The following GAB1 variants were observed in gnomAD, a reference collection of about 807,000 sequenced individuals.
GAB1 encodes the protein GRB2-associated-binding protein 1.
In GAB1, 19 loss-of-function variants were observed where a neutral mutation model predicts 66.5. The observed-to-expected ratio is 0.29, with a 90% CI of 0.20 to 0.42. The LOEUF (loss-of-function observed/expected upper bound fraction) is 0.42. Ranked by LOEUF, GAB1 falls within the 10% of genes least tolerant of loss-of-function variation. The pLI, the probability that GAB1 is intolerant of heterozygous loss-of-function variation, is 1.00. For missense variants in GAB1, 732 were observed against 858.5 expected, an observed-to-expected ratio of 0.85 and a Z score of 1.84; for synonymous variants, 294 against 301.4, an observed-to-expected ratio of 0.98 and a Z score of 0.25.
intron 1 of GAB1, among the ~76,000 whole-genome samples, chr4:143,391,929 G>T (rs537642873): frequency 1.3e-5 from 2 of 152,030 alleles, no homozygotes; most frequent in African/African-American, 4.8e-5. Context: ...ACCTCCTTAC[G>T]TTACTTTATT....
chr4:143,378,987 C>T (rs909765258), intron 1 of GAB1, among the ~76,000 whole-genome samples: 1 of 152,068 alleles, frequency 6.6e-6, no homozygotes, highest in East Asian at 1.9e-4. Context: ...GCCCCGAAGC[C>T]AGGAACTAGA....
chr4:143,411,036 G>T (rs754621565), intron 1 of GAB1, among the ~76,000 whole-genome samples: 7 of 152,160 alleles, frequency 4.6e-5, no homozygotes, highest in Non-Finnish European at 8.8e-5. Flanking sequence ...TAGATTTTGT[G>T]CCAAGGGGTG....
At position 143,438,422 on chromosome 4, in the gene GAB1, T is replaced by C; in HGVS notation, c.1017T>C (p.Asp339=). ...GQTSKLDTIP[D]IPPPRPPKPH... ...CATCAAAGCTAGACACTATTCCAGA[T>C]ATTCCTCCACCTCGGCCACCGAAAC... The change falls in exon 4 of 10, where the codon GAT becomes GAC. Residue 339 remains aspartate (D), a synonymous_variant. Transcript: ENST00000262994. The C allele has an allele frequency of 1.2e-6, 2 of 1,614,060 alleles. No individual in the cohort carries two copies. The highest frequency in any genetic ancestry group is 2.2e-5 in the East Asian group (1 of 44,874).
At position 143,433,733 on chromosome 4, in the gene GAB1, C is replaced by G. The variant is rs28925898; in HGVS notation, c.593+17C>G. 7.0e-6 allele frequency: 11 copies of G among 1,568,672 alleles called. No homozygotes were observed. The African/African-American group carries it at 1.3e-4, about 19-fold the overall frequency. Reference sequence around the variant, plus strand: ...ACCCACCAGGTAAATTATATATGCCCATGTGAGAGAGAGACAGAGGCGTGT... The same window carrying G: ...ACCCACCAGGTAAATTATATATGCCGATGTGAGAGAGAGACAGAGGCGTGT... On this transcript the variant is annotated intron_variant, in intron 3 of 9. Transcript: ENST00000262994.
intron 1 of GAB1, among the ~76,000 whole-genome samples, chr4:143,400,443 T>A (rs1490014114): frequency 6.6e-6 from 1 of 152,002 alleles, no homozygotes; most frequent in Non-Finnish European, 1.5e-5. Context: ...TAATTATTCC[T>A]TATAACAGCT....
At chr4:143,373,283 G>A (rs1730224840) in intron 1 of GAB1, among the ~76,000 whole-genome samples, 1 of 152,138 alleles carries the variant, frequency 6.6e-6, no homozygotes, top group South Asian at 2.1e-4. Context: ...TAATTAACAA[G>A]CATATTCTCA....
chr4:143,433,658 G>A lies in GAB1; in HGVS notation c.535G>A (p.Asp179Asn). The change falls in exon 3 of 10, where the codon GAT becomes AAT. Residue 179 changes from aspartate (D) to asparagine (N), a missense_variant. This residue lies in a region of GAB1 where 427 missense variants were observed against 420.6 expected (regional missense o/e 1.02). Transcript: ENST00000262994. ...CCTGGAAACTCTTGGCATTCAGGAG[G>A]ATCCTCAAGACTACCTGTTGCTCAT... is the stretch of plus-strand genomic sequence containing the variant. Reference protein sequence around the residue: ...PHLETLGIQEDPQDYLLLINC... With the variant: ...PHLETLGIQENPQDYLLLINC... 6.2e-7 allele frequency: 1 copy of A among 1,613,948 alleles called. No homozygotes were observed. The highest frequency in any genetic ancestry group is 1.1e-5 in the South Asian group (1 of 91,082).
intron 1 of GAB1, among the ~76,000 whole-genome samples, chr4:143,341,851 C>A (rs544626920): frequency 5.3e-5 from 8 of 152,158 alleles, no homozygotes; most frequent in Admixed American, 2.6e-4. Flanking sequence ...GCATGAAACC[C>A]CTGCTCAATA....
At chr4:143,435,782 G>A (rs1041112450) in intron 3 of GAB1, among the ~76,000 whole-genome samples, 3 of 152,190 alleles carry the variant, frequency 2.0e-5, no homozygotes, top group African/African-American at 7.2e-5. Flanking sequence ...TAGAGATGAA[G>A]ATAATATACC....
intron 1 of GAB1, among the ~76,000 whole-genome samples, chr4:143,387,021 G>A (rs1048284693): frequency 6.6e-6 from 1 of 152,214 alleles, no homozygotes; most frequent in South Asian, 2.1e-4. Context: ...AGAATGATAA[G>A]AAGGGTGAAT....
chr4:143,421,983 C>T (rs535553619), intron 2 of GAB1, among the ~76,000 whole-genome samples: 1 of 152,272 alleles, frequency 6.6e-6, no homozygotes, highest in Admixed American at 6.5e-5. Context: ...TAAGGGTCTT[C>T]AGTAGTTGAG....
chr4:143,438,486 A>T lies in GAB1; in HGVS notation c.1081A>T (p.Ser361Cys). Residue 361 changes from serine to cysteine, a missense_variant, in exon 4 of 10, where the codon AGT (serine) becomes TGT (cysteine). By Grantham distance (112) the Ser-to-Cys change is moderately radical. Around this residue, in one of 4 missense-constraint regions of GAB1, gnomAD observed 427 missense variants for 420.6 expected, o/e 1.02. Coordinates refer to ENST00000262994, the MANE Select transcript of GAB1 (RefSeq NM_002039.4). ...AHDRSPVETC[S>C]IPRTASDTDS... ...TGACCGATCTCCTGTGGAAACGTGT[A>T]GTATCCCACGCACCGCCTCAGACAC... is the stretch of plus-strand genomic sequence containing the variant. 6.2e-7 allele frequency: 1 copy of T among 1,614,016 alleles called. No individual in the cohort carries two copies. Among genetic ancestry groups the T allele is most frequent in the Non-Finnish European group, 8.5e-7 (1 of 1,179,968 alleles).
chr4:143,359,400 T>C (rs559976120), intron 1 of GAB1, among the ~76,000 whole-genome samples: 7 of 152,314 alleles, frequency 4.6e-5, no homozygotes, highest in Admixed American at 1.3e-4. Context: ...TATCTGTCTT[T>C]ACCCAATATG....
Position 143,366,601 on chromosome 4 carries a change from T to C in GAB1, c.72+29341T>C, listed in dbSNP as rs532159596. 5.9e-5 allele frequency among the ~76,000 whole-genome samples: 9 copies of C among 152,272 alleles called. 1 individual carries two copies. In the South Asian group the frequency reaches 1.9e-3, roughly 32 times the overall value. On this transcript the variant is annotated intron_variant, in intron 1 of 9. Transcript: ENST00000262994. Reference sequence around the variant, plus strand: ...TTCCCTCACTATCAGTAAACACTGTTATTGTTATTCCCTCACTATCACCTC... The same window carrying C: ...TTCCCTCACTATCAGTAAACACTGTCATTGTTATTCCCTCACTATCACCTC...
intron 6 of GAB1, chr4:143,457,820 T>C: frequency 1.0e-6 from 1 of 987,462 alleles, no homozygotes; most frequent in Non-Finnish European, 1.5e-6. Context: ...ATTTATTTTG[T>C]AATGTTTTTT....
intron 6 of GAB1, among the ~76,000 whole-genome samples, chr4:143,442,954 A>G (rs1481717956): frequency 6.6e-6 from 1 of 152,098 alleles, no homozygotes; most frequent in Non-Finnish European, 1.5e-5. Context: ...GCAAAACAGT[A>G]AAGAGGTTCC....
intron 1 of GAB1, among the ~76,000 whole-genome samples, chr4:143,391,119 C>T (rs1290706834): frequency 6.6e-6 from 1 of 152,132 alleles, no homozygotes; most frequent in Non-Finnish European, 1.5e-5. Context: ...TTTGGGTGAG[C>T]AGGTAATGGT....
At chr4:143,454,687 T>C (rs1157568700) in intron 6 of GAB1, among the ~76,000 whole-genome samples, 1 of 152,198 alleles carries the variant, frequency 6.6e-6, no homozygotes, top group African/African-American at 2.4e-5. Flanking sequence ...CTTGGATCAG[T>C]TGCTCTGTGC....
At chr4:143,370,447 A>C (rs913159939) in intron 1 of GAB1, among the ~76,000 whole-genome samples, 3 of 152,220 alleles carry the variant, frequency 2.0e-5, no homozygotes, top group Non-Finnish European at 2.9e-5. Flanking sequence ...CTTCAGGCTC[A>C]AAGAGTACAA....
Sources: gnomAD v4.1 joint callset for allele counts (sites outside exome capture counted in the v4.1 genomes callset) on GRCh38, gnomAD v4.1.1 for gene constraint, gnomAD v4.1.1 regional missense constraint, MANE v1.5 for transcripts, NCBI Gene and HGNC (gene_info 2026-07-23, HGNC 2026-07-21) for gene names.